Variants in CNTNAP2 observed in about 807,000 individuals in gnomAD.
The protein encoded by CNTNAP2 is contactin associated protein 2.
In CNTNAP2, 98 loss-of-function variants were observed where a neutral mutation model predicts 155.2. That is an observed-to-expected ratio of 0.63 (90% confidence interval 0.54 to 0.75). The LOEUF (loss-of-function observed/expected upper bound fraction) is 0.75. Ranked by LOEUF, CNTNAP2 falls within the 30% of genes least tolerant of loss-of-function variation. CNTNAP2 has a pLI of 0.00. For missense variants in CNTNAP2, 1,727 were observed against 1,688.1 expected, an observed-to-expected ratio of 1.02 and a Z score of -0.40; for synonymous variants, 651 against 631.2, an observed-to-expected ratio of 1.03 and a Z score of -0.47.
intron 13 of CNTNAP2, among the ~76,000 whole-genome samples, chr7:147,647,964 C>T (rs1384360162): frequency 6.6e-6 from 1 of 152,092 alleles, no homozygotes; most frequent in Non-Finnish European, 1.5e-5. Context: ...TGTTGGGAGG[C>T]TGCTGGAGTT....
intron 21 of CNTNAP2, among the ~76,000 whole-genome samples, chr7:148,278,814 T>C (rs1796924233): frequency 6.6e-6 from 1 of 152,216 alleles, no homozygotes; most frequent in South Asian, 2.1e-4. Flanking sequence ...CAGGAAAGCA[T>C]GTTACAATGG....
intron 1 of CNTNAP2, among the ~76,000 whole-genome samples, chr7:146,575,871 C>T (rs964458199): frequency 1.3e-5 from 2 of 152,072 alleles, no homozygotes; most frequent in African/African-American, 4.8e-5. Flanking sequence ...ACTGAAATGG[C>T]TTAAATCTTG....
chr7:146,208,420 A>C (rs1798982505), intron 1 of CNTNAP2, among the ~76,000 whole-genome samples: 1 of 152,180 alleles, frequency 6.6e-6, no homozygotes, highest in South Asian at 2.1e-4. Context: ...TAGTTGAAAT[A>C]AGACTGATTA....
chr7:148,105,398 C>T (rs555052818), intron 15 of CNTNAP2, among the ~76,000 whole-genome samples: 1 of 152,094 alleles, frequency 6.6e-6, no homozygotes, highest in African/African-American at 2.4e-5. Context: ...ACAATGGTAG[C>T]TGCATGTTGC....
chr7:148,229,724 A>G lies in CNTNAP2; in HGVS notation c.3326A>G (p.Asn1109Ser), dbSNP rs1795925997. 4 of 1,614,152 alleles carry G rather than the reference A, an allele frequency of 2.5e-6. No homozygotes were observed. Among genetic ancestry groups the G allele is most frequent in the Non-Finnish European group, 3.4e-6 (4 of 1,180,016 alleles). Reference sequence around the variant, plus strand: ...GACGTAGACCACAGGAACATGGCCAATGGACAGCCCCACAGTGTCAACATC... The same window carrying G: ...GACGTAGACCACAGGAACATGGCCAGTGGACAGCCCCACAGTGTCAACATC... The part of the protein sequence containing the change: ...NIDVDHRNMA[N>S]GQPHSVNITR... The change falls in exon 20 of 24, where the codon AAT (asparagine) becomes AGT (serine). Residue 1109 changes from asparagine (N) to serine (S), a missense_variant. By Grantham distance (46) the Asn-to-Ser change is conservative. Coordinates refer to ENST00000361727, the MANE Select transcript of CNTNAP2 (RefSeq NM_014141.6).
In CNTNAP2 at chr7:147,700,550, G is replaced by A. The variant is rs544648790; in HGVS notation, c.2098+61244G>A. ...GTAAGAAGTTTAAAAGCCACAAAAC[G>A]TATGCCTAAAAGATGAAAGAATGGA... On this transcript the variant is annotated intron_variant, in intron 13 of 23. Transcript: ENST00000361727. Among the ~76,000 whole-genome samples, 17 of 152,242 alleles carry A rather than the reference G, an allele frequency of 1.1e-4. 1 individual carries two copies. The South Asian group carries it at 3.1e-3, about 28-fold the overall frequency.
At chr7:147,258,534 T>C (rs1023500573) in intron 8 of CNTNAP2, among the ~76,000 whole-genome samples, 4 of 152,190 alleles carry the variant, frequency 2.6e-5, no homozygotes, top group Admixed American at 2.6e-4. Context: ...CCCCTAACTG[T>C]TCTCCCGTAC....
intron 13 of CNTNAP2, among the ~76,000 whole-genome samples, chr7:147,695,287 A>C (rs1796144752): frequency 6.6e-6 from 1 of 152,090 alleles, no homozygotes; most frequent in Admixed American, 6.5e-5. Context: ...ATTTTATGTG[A>C]GTCTGAGAGC....
At chr7:146,559,294 G>T (rs1798245529) in intron 1 of CNTNAP2, among the ~76,000 whole-genome samples, 1 of 152,058 alleles carries the variant, frequency 6.6e-6, no homozygotes, top group Non-Finnish European at 1.5e-5. Flanking sequence ...ATTTGGCCAG[G>T]TGTGGTGGCT....
chr7:146,189,916 A>C (rs1396918467), intron 1 of CNTNAP2, among the ~76,000 whole-genome samples: 3 of 151,944 alleles, frequency 2.0e-5, no homozygotes, highest in African/African-American at 7.3e-5. Flanking sequence ...CTGTCCAATC[A>C]CTCTGGTTGC....
At chr7:147,391,498 A>G (rs1205119932) in intron 9 of CNTNAP2, among the ~76,000 whole-genome samples, 1 of 152,130 alleles carries the variant, frequency 6.6e-6, no homozygotes, top group African/African-American at 2.4e-5. Context: ...TACCTCCAAT[A>G]TAGTTATCTT....
At chr7:146,334,376 AGCCAAGATCGT>A (rs1428865367) in intron 1 of CNTNAP2, among the ~76,000 whole-genome samples, 1 of 150,554 alleles carries the variant, frequency 6.6e-6, no homozygotes, top group Non-Finnish European at 1.5e-5. Flanking sequence ...GGTTGCAGTG[AGCCAAGATCGT>A]GCCACTGCAC....
rs115640535 is a variant in CNTNAP2 at position 148,305,832 on chromosome 7, G to C, written c.3475+38706G>C. On this transcript the variant is annotated intron_variant, in intron 21 of 23. Coordinates refer to ENST00000361727, the MANE Select transcript of CNTNAP2 (RefSeq NM_014141.6). ...TTACAATTCAAGGTGAGATTTGCGGGGGGGACACAGAGCCAAGCCGTATCA... is the reference window on the plus strand; with the variant it reads ...TTACAATTCAAGGTGAGATTTGCGGCGGGGACACAGAGCCAAGCCGTATCA... Among the ~76,000 whole-genome samples the C allele has an allele frequency of 8.1e-3, 1,230 of 152,146 alleles. 12 individuals carry two copies. Among genetic ancestry groups the C allele is most frequent in the African/African-American group, 0.028 (1,153 of 41,504 alleles).
At chr7:147,558,125 A>G (rs1162531610) in intron 11 of CNTNAP2, among the ~76,000 whole-genome samples, 1 of 152,232 alleles carries the variant, frequency 6.6e-6, no homozygotes, top group South Asian at 2.1e-4. Flanking sequence ...AAATTTAAAA[A>G]TCTGTGAACA....
chr7:146,483,292 T>A lies in CNTNAP2; in HGVS notation c.98-290979T>A, dbSNP rs1172645212. Among the ~76,000 whole-genome samples the A allele has an allele frequency of 8.4e-3, 470 of 56,256 alleles. 16 individuals carry two copies. The highest frequency in any genetic ancestry group is 0.044 in the African/African-American group (356 of 8,060). The allele number at this position is 56,256 out of a possible 152,430, so 36.9% of individuals were successfully genotyped here. ...CTCCGTCTAAAAAAAAATATATATA[T>A]ATATATATATATATATATATATATA... On this transcript the variant is annotated intron_variant, in intron 1 of 23. Coordinates refer to ENST00000361727, the MANE Select transcript of CNTNAP2 (RefSeq NM_014141.6).
intron 8 of CNTNAP2, among the ~76,000 whole-genome samples, chr7:147,179,207 C>G (rs1802408036): frequency 6.6e-6 from 1 of 152,084 alleles, no homozygotes; most frequent in Non-Finnish European, 1.5e-5. Context: ...ATATATCAAA[C>G]TTGGAATAAC....
At chr7:147,575,493 A>T (rs1584825193) in intron 12 of CNTNAP2, among the ~76,000 whole-genome samples, 1 of 112,732 alleles carries the variant, frequency 8.9e-6, no homozygotes, top group Middle Eastern at 7.6e-3. Context: ...TGTATTCCCT[A>T]GCTTTAGGGG....
intron 1 of CNTNAP2, among the ~76,000 whole-genome samples, chr7:146,550,219 T>A (rs1302441480): frequency 6.6e-6 from 1 of 151,876 alleles, no homozygotes; most frequent in African/African-American, 2.4e-5. Flanking sequence ...TGTGCCCCCA[T>A]GTACCTAAGG....
chr7:146,228,846 G>T (rs891040055), intron 1 of CNTNAP2, among the ~76,000 whole-genome samples: 3 of 151,802 alleles, frequency 2.0e-5, no homozygotes, highest in Non-Finnish European at 2.9e-5. Context: ...TTCTTTCATT[G>T]TACTTGAGAT....
Sources: gnomAD v4.1 joint callset for allele counts (sites outside exome capture counted in the v4.1 genomes callset) on GRCh38, gnomAD v4.1.1 for gene constraint, MANE v1.5 for transcripts, NCBI Gene and HGNC (gene_info 2026-07-23, HGNC 2026-07-21) for gene names.